TOX: variants seen among roughly 807,000 people sequenced by gnomAD.
The protein encoded by TOX is thymocyte selection associated high mobility group box.
TOX carries 11 observed loss-of-function variants against 53.7 expected under a neutral mutation model. The observed-to-expected ratio is 0.20, with a 90% confidence interval of 0.13 to 0.34. The LOEUF is 0.34. Among genes scored for constraint, TOX ranks in the 10% least tolerant of loss-of-function variants. TOX has a pLI of 1.00. For missense variants in TOX, 570 were observed against 664.6 expected, an observed-to-expected ratio of 0.86 and a Z score of 1.56; for synonymous variants, 225 against 245.3, an observed-to-expected ratio of 0.92 and a Z score of 0.77.
At chr8:58,954,084 C>CA (rs1441481687) in intron 2 of TOX, among the ~76,000 whole-genome samples, 21 of 152,290 alleles carry the variant, frequency 1.4e-4, no homozygotes, top group African/African-American at 5.1e-4. Context: ...AATACCATTG[C>CA]ATTGCTGATG....
At chr8:58,834,678 A>C (rs1334168813) in intron 5 of TOX, among the ~76,000 whole-genome samples, 2 of 152,222 alleles carry the variant, frequency 1.3e-5, no homozygotes, top group Non-Finnish European at 2.9e-5. Context: ...AAACTGCTAG[A>C]GAAGGGCTGC....
At chr8:58,860,891 A>G (rs985994894) in intron 3 of TOX, among the ~76,000 whole-genome samples, 17 of 152,070 alleles carry the variant, frequency 1.1e-4, no homozygotes, top group African/African-American at 3.4e-4. Context: ...TTTTCCATCA[A>G]CTATGTACAT....
intron 1 of TOX, among the ~76,000 whole-genome samples, chr8:59,080,077 G>A (rs188541129): frequency 6.6e-6 from 1 of 152,016 alleles, no homozygotes; most frequent in African/African-American, 2.4e-5. Context: ...CCGCCTCCTG[G>A]GTTCAAGTGA....
intron 1 of TOX, among the ~76,000 whole-genome samples, chr8:58,970,707 G>A (rs117378711): frequency 0.026 from 3,989 of 152,226 alleles, 91 homozygotes; most frequent in Admixed American, 0.044. Flanking sequence ...GGCAGAGACC[G>A]TCCTAACTTA....
chr8:58,808,157 G>A lies in TOX; in HGVS notation c.1505C>T (p.Pro502Leu), dbSNP rs201487566. ...YVRSGCRNPPPQPVDWNNDYC... is the reference protein window; with the variant it reads ...YVRSGCRNPPLQPVDWNNDYC... ...GTCGTTATTCCAGTCCACCGGTTGT[G>A]GGGGAGGATTTCTGCACCCCGAACG... Residue 502 changes from proline to leucine, a missense_variant, in exon 8 of 9, where the codon CCA (proline) becomes CTA (leucine). Around this residue, in one of 3 missense-constraint regions of TOX, gnomAD observed 239 missense variants for 250.7 expected, o/e 0.95. Transcript: ENST00000361421. The A allele has an allele frequency of 3.1e-6, 5 of 1,614,036 alleles. No homozygotes were observed. The highest frequency in any genetic ancestry group is 2.2e-5 in the South Asian group (2 of 91,066).
At chr8:58,966,572 C>G (rs1812905004) in intron 1 of TOX, among the ~76,000 whole-genome samples, 1 of 152,102 alleles carries the variant, frequency 6.6e-6, no homozygotes, top group Non-Finnish European at 1.5e-5. Flanking sequence ...AGACCCACAA[C>G]TTAGAAGCTG....
At chr8:58,938,378 A>G (rs549665893) in intron 3 of TOX, among the ~76,000 whole-genome samples, 1 of 152,340 alleles carries the variant, frequency 6.6e-6, no homozygotes, top group Non-Finnish European at 1.5e-5. Flanking sequence ...TGAAAATGAC[A>G]AGAGAGTTAG....
chr8:58,882,035 T>C (rs963985980), intron 3 of TOX, among the ~76,000 whole-genome samples: 1 of 152,232 alleles, frequency 6.6e-6, no homozygotes, highest in Non-Finnish European at 1.5e-5. Context: ...ACTTCCCTCA[T>C]GTAAGTAACT....
intron 6 of TOX, among the ~76,000 whole-genome samples, chr8:58,824,583 G>A (rs1363684064): frequency 6.6e-6 from 1 of 152,184 alleles, no homozygotes; most frequent in Non-Finnish European, 1.5e-5. Flanking sequence ...GGTTCTACAA[G>A]CTCCTGTCTT....
intron 1 of TOX, among the ~76,000 whole-genome samples, chr8:58,986,301 G>C (rs1813326596): frequency 6.6e-6 from 1 of 152,070 alleles, no homozygotes; most frequent in Non-Finnish European, 1.5e-5. Context: ...ACTACTACAG[G>C]ATTTAGAAAT....
intron 1 of TOX, among the ~76,000 whole-genome samples, chr8:59,029,783 G>C (rs1814319627): frequency 6.6e-6 from 1 of 152,174 alleles, no homozygotes; most frequent in African/African-American, 2.4e-5. Flanking sequence ...TGTGCTCACT[G>C]CTAAAGCACT....
At chr8:58,983,290 A>G (rs1336689609) in intron 1 of TOX, among the ~76,000 whole-genome samples, 1 of 152,216 alleles carries the variant, frequency 6.6e-6, no homozygotes, top group Non-Finnish European at 1.5e-5. Context: ...GCTTGTTAAT[A>G]CACAGACTAC....
At chr8:59,022,744 T>C (rs1814160115) in intron 1 of TOX, among the ~76,000 whole-genome samples, 2 of 152,144 alleles carry the variant, frequency 1.3e-5, no homozygotes, top group Non-Finnish European at 2.9e-5. Flanking sequence ...AAAGTGATAA[T>C]GGATGATTCA....
At chr8:58,980,045 C>T (rs1009860785) in intron 1 of TOX, among the ~76,000 whole-genome samples, 2 of 152,148 alleles carry the variant, frequency 1.3e-5, no homozygotes, top group Non-Finnish European at 2.9e-5. Flanking sequence ...GGTTGCATAG[C>T]TCTGTAAATT....
At chr8:58,939,169 A>ATAAATCATACACATTTC in intron 3 of TOX, 133 bp downstream of exon 3, 3 of 1,187,040 alleles carry the variant, frequency 2.5e-6, no homozygotes, top group Non-Finnish European at 3.6e-6. Context: ...TGTATGATTT[A>ATAAATCATACACATTTC]TAAATAACTG....
rs1032871290 is a variant in TOX, at chr8:58,806,068, G to A, written c.*1679C>T. On this transcript the variant is annotated 3_prime_UTR_variant, in exon 9 of 9. Transcript: ENST00000361421. Reference sequence around the variant, plus strand: ...TGATCCCCTAAAAAGGAGTAAATCTGCTAGCTTTTTCTTTTTTTAATGTGA... The same window carrying A: ...TGATCCCCTAAAAAGGAGTAAATCTACTAGCTTTTTCTTTTTTTAATGTGA... The A allele has an allele frequency of 6.6e-6, 1 of 152,334 alleles. No homozygotes were observed. Among genetic ancestry groups the A allele is most frequent in the Non-Finnish European group, 1.5e-5 (1 of 68,024 alleles). 9.4% of individuals were successfully genotyped at this position (152,334 alleles called of 1,614,324 possible).
chr8:58,807,893 T>C, intron 8 of TOX, 110 bp from the exon 9 acceptor site: 17 of 1,426,928 alleles, frequency 1.2e-5, no homozygotes, highest in Non-Finnish European at 1.7e-5. Context: ...AGCTGTTCAC[T>C]GGGAAACTGC....
intron 1 of TOX, among the ~76,000 whole-genome samples, chr8:59,013,434 G>A (rs537855140): frequency 1.0e-4 from 15 of 144,696 alleles, no homozygotes; most frequent in African/African-American, 3.4e-4. Flanking sequence ...TTCTTGAGAC[G>A]AAGTCTGCCT....
At chr8:59,041,734 G>A (rs540330860) in intron 1 of TOX, among the ~76,000 whole-genome samples, 1 of 152,290 alleles carries the variant, frequency 6.6e-6, no homozygotes, top group Admixed American at 6.5e-5. Context: ...GAAGTTAAAG[G>A]TCTTGAATTC....
Sources: gnomAD v4.1 joint callset for allele counts (sites outside exome capture counted in the v4.1 genomes callset) on GRCh38, gnomAD v4.1.1 for gene constraint, gnomAD v4.1.1 regional missense constraint, MANE v1.5 for transcripts, NCBI Gene and HGNC (gene_info 2026-07-23, HGNC 2026-07-21) for gene names.